ATE1: variants seen among roughly 807,000 people sequenced by gnomAD.
ATE1 encodes the protein arginyltransferase 1, also known as arginyl-tRNA--protein transferase 1.
ATE1 carries 36 observed loss-of-function variants against 70.5 expected under a neutral mutation model. That is an observed-to-expected ratio of 0.51 (90% CI 0.39 to 0.67). The LOEUF is 0.67. ATE1 is among the 30% of genes least tolerant of loss of function. ATE1 has a pLI of 0.00. For missense variants in ATE1, 593 were observed against 629.5 expected (o/e 0.94, Z 0.62); for synonymous variants, 232 against 219.3 (o/e 1.06, Z -0.51).
intron 8 of ATE1, among the ~76,000 whole-genome samples, chr10:121,863,950 T>C (rs1003944342): frequency 6.6e-6 from 1 of 152,208 alleles, no homozygotes; most frequent in African/African-American, 2.4e-5. Flanking sequence ...TCTAGCCTTT[T>C]ACTTTTAACC....
chr10:121,924,394 G>C, intron 1 of ATE1, 65 bp from the exon 2 acceptor site: 1 of 1,490,584 alleles, frequency 6.7e-7, no homozygotes. Context: ...AATTCAAAGT[G>C]TGAGGTTTAA....
intron 11 of ATE1, 120 bp from the exon 12 acceptor site, chr10:121,743,978 A>G: frequency 8.9e-7 from 1 of 1,119,092 alleles, no homozygotes; most frequent in South Asian, 1.7e-5. Flanking sequence ...GCTGGAGTGC[A>G]GTGGCGCTGT....
intron 11 of ATE1, among the ~76,000 whole-genome samples, chr10:121,744,959 T>C (rs533875518): frequency 1.3e-5 from 2 of 152,282 alleles, no homozygotes; most frequent in African/African-American, 4.8e-5. Flanking sequence ...TTGGACTTCA[T>C]GGCAGGATCC....
intron 5 of ATE1, among the ~76,000 whole-genome samples, chr10:121,909,811 C>T (rs910712312): frequency 1.3e-5 from 2 of 151,966 alleles, no homozygotes; most frequent in African/African-American, 2.4e-5. Flanking sequence ...CTTTGGGAGG[C>T]GAGGGTGGGA....
chr10:121,871,534 T>C (rs1949859912), intron 7 of ATE1, among the ~76,000 whole-genome samples: 1 of 152,158 alleles, frequency 6.6e-6, no homozygotes, highest in Non-Finnish European at 1.5e-5. Flanking sequence ...TTAGGGTTCA[T>C]TACGTGATTC....
chr10:121,764,359 G>A (rs1408772799), intron 11 of ATE1, among the ~76,000 whole-genome samples: 1 of 151,948 alleles, frequency 6.6e-6, no homozygotes, highest in East Asian at 1.9e-4. Context: ...TACAAAGGCT[G>A]GGCACAGTGG....
chr10:121,836,497 C>G (rs868201049), intron 10 of ATE1, among the ~76,000 whole-genome samples: 1 of 152,076 alleles, frequency 6.6e-6, no homozygotes, highest in Non-Finnish European at 1.5e-5. Flanking sequence ...AAGGGAAATT[C>G]TGAAATATAC....
chr10:121,844,034 T>A (rs1296990036), intron 8 of ATE1, among the ~76,000 whole-genome samples: 1 of 152,238 alleles, frequency 6.6e-6, no homozygotes, highest in Non-Finnish European at 1.5e-5. Context: ...ACATATCTGA[T>A]AAAGAATTGG....
chr10:121,857,947 G>A (rs1173333159), intron 8 of ATE1, among the ~76,000 whole-genome samples: 4 of 152,122 alleles, frequency 2.6e-5, no homozygotes, highest in South Asian at 2.1e-4. Flanking sequence ...TATAATATTT[G>A]TCCTTTTGTA....
At chr10:121,799,771 T>C (rs1401070594) in intron 10 of ATE1, among the ~76,000 whole-genome samples, 2 of 152,236 alleles carry the variant, frequency 1.3e-5, no homozygotes, top group Non-Finnish European at 2.9e-5. Flanking sequence ...ATAAAACTCA[T>C]GGTTTTTAAA....
chr10:121,876,953 G>A (rs1483449154), intron 7 of ATE1, among the ~76,000 whole-genome samples: 2 of 144,766 alleles, frequency 1.4e-5, no homozygotes, highest in Admixed American at 1.4e-4. Context: ...GCCACAGAGC[G>A]ACACTCCAGT....
chr10:121,928,388 T>C (rs758167364), upstream of ATE1: 4 of 1,532,382 alleles, frequency 2.6e-6, no homozygotes, highest in South Asian at 1.2e-5. Flanking sequence ...GTAGCCGCAG[T>C]GGTAGCCGGC....
chr10:121,805,860 T>C lies in ATE1; in HGVS notation c.1258-15571A>G, dbSNP rs138507113. ...GACCACTATATGACTATTTATATTA[T>C]ACATTTAGTAAGTCAAAGGAAAAAA... On this transcript the variant is annotated intron_variant, in intron 10 of 11. Coordinates refer to ENST00000224652, the MANE Select transcript of ATE1 (RefSeq NM_001001976.3). Among the ~76,000 whole-genome samples the C allele has an allele frequency of 7.8e-3, 1,182 of 152,296 alleles. 7 individuals carry two copies. Among genetic ancestry groups the C allele is most frequent in the Middle Eastern group, 0.02 (6 of 294 alleles).
At chr10:121,791,091 T>TAC (rs1946432609) in intron 10 of ATE1, among the ~76,000 whole-genome samples, 1 of 57,722 alleles carries the variant, frequency 1.7e-5, no homozygotes, top group Non-Finnish European at 4.1e-5. Context: ...TGTGTGTGTA[T>TAC]ATATATTTTT....
At chr10:121,762,422 C>T (rs1054386611) in intron 11 of ATE1, among the ~76,000 whole-genome samples, 2 of 152,148 alleles carry the variant, frequency 1.3e-5, no homozygotes, top group Non-Finnish European at 2.9e-5. Flanking sequence ...AATACTACAG[C>T]AGGTTCTCAA....
chr10:121,805,001 C>T lies in ATE1; in HGVS notation c.1258-14712G>A, dbSNP rs1468311961. Among the ~76,000 whole-genome samples, 10 of 152,152 alleles carry T rather than the reference C, an allele frequency of 6.6e-5. No individual in the cohort carries two copies. In the East Asian group the frequency reaches 1.9e-3, roughly 29 times the overall value. ...GAGCAACAGATATGAAAATCTATCGCTAAATAAATATGTAAAGCCTGTACC... is the reference window on the plus strand; with the variant it reads ...GAGCAACAGATATGAAAATCTATCGTTAAATAAATATGTAAAGCCTGTACC... On this transcript the variant is annotated intron_variant, in intron 10 of 11. Coordinates refer to ENST00000224652, the MANE Select transcript of ATE1 (RefSeq NM_001001976.3).
At chr10:121,790,022 T>G in intron 11 of ATE1, 147 bp downstream of exon 11, 1 of 1,103,102 alleles carries the variant, frequency 9.1e-7, no homozygotes. Context: ...AAAGTCTTCC[T>G]CTATCTTACA....
At chr10:121,767,539 A>G (rs1209034171) in intron 11 of ATE1, among the ~76,000 whole-genome samples, 2 of 152,214 alleles carry the variant, frequency 1.3e-5, no homozygotes, top group African/African-American at 4.8e-5. Flanking sequence ...GCAAAAGTAT[A>G]CAAGATCACC....
At chr10:121,873,692 A>T (rs908735481) in intron 7 of ATE1, among the ~76,000 whole-genome samples, 8 of 129,722 alleles carry the variant, frequency 6.2e-5, no homozygotes, top group Admixed American at 6.0e-4. Context: ...TTGGTAAGTT[A>T]AAAAAAAAAA....
Sources: gnomAD v4.1 joint callset for allele counts (sites outside exome capture counted in the v4.1 genomes callset) on GRCh38, gnomAD v4.1.1 for gene constraint, MANE v1.5 for transcripts, NCBI Gene and HGNC (gene_info 2026-07-23, HGNC 2026-07-21) for gene names.